Variants in CACNA1D observed in about 807,000 individuals in gnomAD.
The protein encoded by CACNA1D is voltage-dependent L-type calcium channel subunit alpha-1D.
In CACNA1D, 55 loss-of-function variants were observed where a neutral mutation model predicts 257.1. That is an observed-to-expected ratio of 0.21 (90% CI 0.17 to 0.27). The LOEUF is 0.27. Among genes scored for constraint, CACNA1D ranks in the 10% least tolerant of loss-of-function variants. The pLI is 1.00. For synonymous variants in CACNA1D, 980 were observed against 1,014.9 expected (o/e 0.97, Z 0.65); for missense variants, 1,876 against 2,784.0 (o/e 0.67, Z 7.34).
Position 53,735,364 on chromosome 3 carries a change from T to C in CACNA1D, c.2622-10T>C. ...TGGGACTGTTTCCAAGCAGCGGCTT[T>C]TCCCTGCAGGATCCGCGTAGGCTGC... On this transcript the variant is annotated splice_polypyrimidine_tract_variant and intron_variant, in intron 19 of 47. Coordinates refer to ENST00000350061, the MANE Select transcript of CACNA1D (RefSeq NM_001128840.3). 1.9e-6 allele frequency: 3 copies of C among 1,613,954 alleles called. No individual in the cohort carries two copies. In the South Asian group the frequency reaches 3.3e-5, roughly 18 times the overall value.
intron 3 of CACNA1D, among the ~76,000 whole-genome samples, chr3:53,550,512 A>C (rs2092509932): frequency 6.6e-6 from 1 of 152,174 alleles, no homozygotes. Context: ...TGACCTGCTC[A>C]CTGCCAGTTT....
intron 2 of CACNA1D, among the ~76,000 whole-genome samples, chr3:53,498,223 T>C (rs560064466): frequency 6.6e-6 from 1 of 152,332 alleles, no homozygotes; most frequent in South Asian, 2.1e-4. Flanking sequence ...AATTTGCAGT[T>C]GCTGCCTTTA....
chr3:53,801,799 A>G (rs2095537675), intron 42 of CACNA1D, among the ~76,000 whole-genome samples: 1 of 152,202 alleles, frequency 6.6e-6, no homozygotes. Flanking sequence ...ACAGTCTTGC[A>G]CCTTCTCAGC....
Position 53,495,364 on chromosome 3 carries a change from T to A in CACNA1D, c.67+131T>A. The A allele has an allele frequency of 1.9e-6, 2 of 1,042,360 alleles. No individual in the cohort carries two copies. The highest frequency in any genetic ancestry group is 3.0e-6 in the Non-Finnish European group (2 of 669,684). The allele number at this position is 1,042,360 out of a possible 1,614,324, so 64.6% of individuals were successfully genotyped here. On this transcript the variant is annotated intron_variant, in intron 1 of 47. Transcript: ENST00000350061. The surrounding 1 kb of genome is among the most constrained non-coding windows in gnomAD (Gnocchi z 5.1). ...AGGGTGCTGCCAGCTCGGTGTCGTC[T>A]ACACAGAGAGGGGACATGCGTGACA...
At chr3:53,526,134 T>C (rs2091755255) in intron 3 of CACNA1D, among the ~76,000 whole-genome samples, 1 of 152,208 alleles carries the variant, frequency 6.6e-6, no homozygotes, top group African/African-American at 2.4e-5. Context: ...TTGTCTCAGA[T>C]TGGGTCACGC....
At chr3:53,688,744 G>T (rs2094494870) in intron 8 of CACNA1D, among the ~76,000 whole-genome samples, 1 of 152,180 alleles carries the variant, frequency 6.6e-6, no homozygotes. Flanking sequence ...TGGGTTCAGG[G>T]ATAAAACATT....
intron 3 of CACNA1D, among the ~76,000 whole-genome samples, chr3:53,543,129 T>TAAAG (rs1217718422): frequency 8.2e-6 from 1 of 121,554 alleles, no homozygotes; most frequent in Non-Finnish European, 1.8e-5. Context: ...AAAAAATAAA[T>TAAAG]AAAGAAAGAA....
intron 2 of CACNA1D, among the ~76,000 whole-genome samples, chr3:53,499,462 A>G (rs1393190317): frequency 1.3e-5 from 2 of 152,062 alleles, no homozygotes; most frequent in Admixed American, 1.3e-4. Flanking sequence ...GACAGGCATG[A>G]CAGAGTGTCC....
intron 3 of CACNA1D, among the ~76,000 whole-genome samples, chr3:53,565,729 A>C (rs1032799472): frequency 2.6e-5 from 4 of 152,256 alleles, no homozygotes; most frequent in African/African-American, 9.6e-5. Flanking sequence ...AAGATAATGC[A>C]TCTTCTATGA....
In CACNA1D at chr3:53,812,168, C is replaced by T. The variant is rs1340926370; in HGVS notation, c.*762C>T. The T allele has an allele frequency of 6.6e-6, 1 of 152,134 alleles. No individual in the cohort carries two copies. Among genetic ancestry groups the T allele is most frequent in the Non-Finnish European group, 1.5e-5 (1 of 68,034 alleles). The allele number at this position is 152,134 out of a possible 1,614,324, so 9.4% of individuals were successfully genotyped here. On this transcript the variant is annotated 3_prime_UTR_variant, in exon 48 of 48. Coordinates refer to ENST00000350061, the MANE Select transcript of CACNA1D (RefSeq NM_001128840.3). ...AAAATTATAGATTTACTGTACATGACTTGTAATATACTATAATTTGTATTT... is the reference window on the plus strand; with the variant it reads ...AAAATTATAGATTTACTGTACATGATTTGTAATATACTATAATTTGTATTT...
chr3:53,811,613 C>T lies in CACNA1D; in HGVS notation c.*207C>T, dbSNP rs557294835. On this transcript the variant is annotated 3_prime_UTR_variant, in exon 48 of 48. Transcript: ENST00000350061. This position sits in a 1 kb window ranked among gnomAD's most constrained non-coding sequence, Gnocchi z 4.2. The stretch of plus-strand genomic sequence containing the variant: ...CGGTTGAGCCTGGCAGAGTACCATG[C>T]GCTCGGCCCCAGCTGCAGGAAACAG... The T allele has an allele frequency of 1.5e-4, 73 of 488,860 alleles. No homozygotes were observed. The highest frequency in any genetic ancestry group is 1.0e-3 in the African/African-American group (53 of 51,524). The allele number at this position is 488,860 out of a possible 1,614,324, so 30.3% of individuals were successfully genotyped here.
At chr3:53,502,436 C>T (rs2090644515) in intron 3 of CACNA1D, among the ~76,000 whole-genome samples, 1 of 151,784 alleles carries the variant, frequency 6.6e-6, no homozygotes, top group East Asian at 1.9e-4. Flanking sequence ...TCAGCTAGTC[C>T]CTAAAAGTAA....
rs144474773 is a variant in CACNA1D, at chr3:53,762,064, G to A, written c.3853G>A (p.Ala1285Thr). The A allele has an allele frequency of 4.3e-4, 688 of 1,612,808 alleles. No individual in the cohort carries two copies. The highest frequency in any genetic ancestry group is 5.5e-4 in the Non-Finnish European group (646 of 1,178,860). Residue 1285 changes from alanine to threonine, a missense_variant, in exon 30 of 48, where the codon GCC becomes ACC. Transcript: ENST00000350061. ...CGTAATCGGCAGCATTATAGACGTG[G>A]CCCTCAGCGAAGCAGACGTGAGTAT... is the stretch of plus-strand genomic sequence containing the variant. ...LIVIGSIIDV[A>T]LSEADPTESE... is the part of the protein sequence containing the mutation.
chr3:53,639,350 A>G (rs1157635824), intron 3 of CACNA1D, among the ~76,000 whole-genome samples: 1 of 151,602 alleles, frequency 6.6e-6, no homozygotes, highest in Non-Finnish European at 1.5e-5. Context: ...TTATAGGAAC[A>G]TGACTGAGCA....
At position 53,787,453 on chromosome 3, in the gene CACNA1D, G is replaced by GTGTGTGTGTGTA. The variant is rs1290313242; in HGVS notation, c.4923+502_4923+503insGTGTGTGTGTAT. On this transcript the variant is annotated intron_variant, in intron 40 of 47. Transcript: ENST00000350061. ...TGTGTGTGTGTGTGTGTGTGTGTGTGTATGTATGTATGTGTGGTGTGTCTG... is the reference window on the plus strand; with the variant it reads ...TGTGTGTGTGTGTGTGTGTGTGTGTGTGTGTGTGTGTATATGTATGTATGTGTGGTGTGTCTG... Among the ~76,000 whole-genome samples the GTGTGTGTGTGTA allele has an allele frequency of 5.4e-5, 8 of 148,410 alleles. No homozygotes were observed. In the East Asian group the frequency reaches 1.4e-3, roughly 25 times the overall value.
chr3:53,718,766 C>T, intron 10 of CACNA1D: 3 of 1,542,290 alleles, frequency 1.9e-6, no homozygotes, highest in Non-Finnish European at 2.6e-6. Flanking sequence ...CTCCTTCCAG[C>T]CTGGGTTTGG....
intron 9 of CACNA1D, among the ~76,000 whole-genome samples, chr3:53,714,867 T>A (rs1296650711): frequency 6.6e-6 from 1 of 152,168 alleles, no homozygotes; most frequent in East Asian, 1.9e-4. Flanking sequence ...CTTTATTTTT[T>A]AAAAACATAG....
At position 53,660,066 on chromosome 3, in the gene CACNA1D, T is replaced by G. The variant is rs889915560; in HGVS notation, c.624-67T>G. ...TAGCCCTTTTCAAAAATAAATAAGA[T>G]TATCATCCTGTTTTGCGTCCCTGGG... is the stretch of plus-strand genomic sequence containing the variant. On this transcript the variant is annotated intron_variant, in intron 4 of 47. Coordinates refer to ENST00000350061, the MANE Select transcript of CACNA1D (RefSeq NM_001128840.3). The G allele has an allele frequency of 7.1e-6, 10 of 1,414,638 alleles. No individual in the cohort carries two copies. In the African/African-American group the frequency reaches 1.4e-4, roughly 20 times the overall value. 87.6% of individuals were successfully genotyped at this position (1,414,638 alleles called of 1,614,324 possible).
intron 3 of CACNA1D, among the ~76,000 whole-genome samples, chr3:53,540,550 T>C (rs1296814773): frequency 6.6e-6 from 1 of 152,046 alleles, no homozygotes; most frequent in Non-Finnish European, 1.5e-5. Flanking sequence ...ATGCAACTTA[T>C]ATATGATCTT....
Sources: allele counts gnomAD v4.1 joint callset (sites outside exome capture counted in the v4.1 genomes callset), GRCh38; gene constraint gnomAD v4.1.1; non-coding constraint Gnocchi (gnomAD v3.1); transcripts MANE v1.5; gene names NCBI Gene and HGNC (gene_info 2026-07-23, HGNC 2026-07-21).